NRG3: variants seen among roughly 807,000 people sequenced by gnomAD.
NRG3 encodes pro-neuregulin-3, membrane-bound isoform.
A neutral mutation model predicts 66.9 loss-of-function variants in NRG3; 31 were observed. That is an observed-to-expected ratio of 0.46 (90% confidence interval 0.35 to 0.63). The LOEUF is 0.63. NRG3 is among the 20% of genes least tolerant of loss of function. The pLI, the probability that NRG3 is intolerant of heterozygous loss-of-function variation, is 0.00. For missense variants in NRG3, 910 were observed against 878.9 expected, an observed-to-expected ratio of 1.04 and a Z score of -0.45; for synonymous variants, 393 against 359.4, an observed-to-expected ratio of 1.09 and a Z score of -1.06.
At chr10:82,541,936 G>T (rs1204046531) in intron 2 of NRG3, among the ~76,000 whole-genome samples, 2 of 152,078 alleles carry the variant, frequency 1.3e-5, no homozygotes, top group Non-Finnish European at 2.9e-5. Flanking sequence ...TTTAAGTTCT[G>T]GGATGCATGT....
At chr10:82,107,966 T>C (rs1489629156) in intron 1 of NRG3, among the ~76,000 whole-genome samples, 1 of 152,192 alleles carries the variant, frequency 6.6e-6, no homozygotes, top group African/African-American at 2.4e-5. Context: ...ATGGCCAGCT[T>C]ATCCATTGCC....
chr10:82,000,580 A>G (rs1362801007), intron 1 of NRG3, among the ~76,000 whole-genome samples: 2 of 152,152 alleles, frequency 1.3e-5, no homozygotes, highest in Non-Finnish European at 2.9e-5. Flanking sequence ...CTATAATTTG[A>G]ACATGTATCA....
chr10:81,878,244 A>G (rs1164583234), intron 1 of NRG3: 1 of 622,870 alleles, frequency 1.6e-6, no homozygotes, highest in Admixed American at 3.3e-5. Flanking sequence ...TCACATAGAC[A>G]TATAAGCAGT....
intron 2 of NRG3, among the ~76,000 whole-genome samples, chr10:82,721,231 A>T (rs1163163415): frequency 7.8e-6 from 1 of 127,980 alleles, no homozygotes; most frequent in Non-Finnish European, 1.6e-5. Flanking sequence ...TCCCAGGTTC[A>T]CGCCATTCGT....
chr10:82,330,679 C>T (rs1008150950), intron 1 of NRG3, among the ~76,000 whole-genome samples: 24 of 152,296 alleles, frequency 1.6e-4, no homozygotes, highest in African/African-American at 5.8e-4. Flanking sequence ...ATAGCGTTTT[C>T]CATACTGTTT....
chr10:82,410,909 A>C (rs2088026803), intron 2 of NRG3, among the ~76,000 whole-genome samples: 1 of 152,126 alleles, frequency 6.6e-6, no homozygotes, highest in Non-Finnish European at 1.5e-5. Context: ...AAAATTCACT[A>C]CATTTTAAAG....
At chr10:82,871,292 T>C (rs1841317431) in intron 4 of NRG3, among the ~76,000 whole-genome samples, 1 of 152,128 alleles carries the variant, frequency 6.6e-6, no homozygotes, top group Non-Finnish European at 1.5e-5. Flanking sequence ...GTCTTTTTTT[T>C]TTTTGCCAAT....
intron 1 of NRG3, among the ~76,000 whole-genome samples, chr10:82,166,517 C>T (rs1045206652): frequency 9.2e-5 from 14 of 151,808 alleles, no homozygotes; most frequent in African/African-American, 2.9e-4. Context: ...CTCTCCTGGT[C>T]TTTGTGGTAT....
chr10:82,411,981 T>C (rs2088127399), intron 2 of NRG3, among the ~76,000 whole-genome samples: 1 of 152,052 alleles, frequency 6.6e-6, no homozygotes, highest in African/African-American at 2.4e-5. Flanking sequence ...AAAAGTTGAT[T>C]CTATTAATCC....
intron 3 of NRG3, among the ~76,000 whole-genome samples, chr10:82,774,306 A>G (rs1336099140): frequency 1.3e-5 from 2 of 152,156 alleles, no homozygotes; most frequent in Admixed American, 6.5e-5. Flanking sequence ...TGTTTTTGGA[A>G]CATCCCATTA....
intron 1 of NRG3, among the ~76,000 whole-genome samples, chr10:82,003,579 G>A (rs2061257534): frequency 6.6e-6 from 1 of 152,146 alleles, no homozygotes. Context: ...TGCATTTTAA[G>A]AATGACAGAG....
Position 82,281,188 on chromosome 10 carries a change from T to C in NRG3, c.824-77551T>C, listed in dbSNP as rs149630738. 6.3e-3 allele frequency among the ~76,000 whole-genome samples: 957 copies of C among 152,260 alleles called. 7 individuals are homozygous for C. Among genetic ancestry groups the C allele is most frequent in the African/African-American group, 0.022 (922 of 41,560 alleles). On this transcript the variant is annotated intron_variant, in intron 1 of 8. Transcript: ENST00000372141. ...TATGGCTTATTTTCTTTTAAATACT[T>C]GCATTGCCGTAGTGTAGGTTCCTGA...
intron 1 of NRG3, among the ~76,000 whole-genome samples, chr10:82,341,291 A>G (rs886701420): frequency 6.6e-6 from 1 of 152,130 alleles, no homozygotes; most frequent in African/African-American, 2.4e-5. Flanking sequence ...TGTAGCTTAA[A>G]AGAGTCCAAA....
intron 4 of NRG3, among the ~76,000 whole-genome samples, chr10:82,945,863 T>C (rs1034800912): frequency 3.3e-5 from 5 of 152,026 alleles, no homozygotes; most frequent in African/African-American, 1.2e-4. Flanking sequence ...AGAGTTTGGA[T>C]GTGGGTGGGG....
chr10:82,368,858 C>T (rs1461380842), intron 2 of NRG3, among the ~76,000 whole-genome samples: 5 of 138,424 alleles, frequency 3.6e-5, no homozygotes, highest in South Asian at 2.2e-4. Flanking sequence ...CAGGCCCCGC[C>T]GTGCAAGCTT....
At chr10:82,460,428 G>A (rs1375408177) in intron 2 of NRG3, among the ~76,000 whole-genome samples, 1 of 152,148 alleles carries the variant, frequency 6.6e-6, no homozygotes. Flanking sequence ...CACATAGTAA[G>A]TAGTGAATAT....
chr10:82,488,092 A>C (rs1034661443), intron 2 of NRG3, among the ~76,000 whole-genome samples: 1 of 152,158 alleles, frequency 6.6e-6, no homozygotes, highest in Admixed American at 6.5e-5. Context: ...AGAATGGGAG[A>C]TATAATTATG....
At chr10:82,379,171 G>A (rs914708993) in intron 2 of NRG3, among the ~76,000 whole-genome samples, 10 of 152,252 alleles carry the variant, frequency 6.6e-5, no homozygotes, top group African/African-American at 1.9e-4. Context: ...GTAGTGTTGA[G>A]AGGGGTTAAC....
chr10:82,357,996 A>G (rs1385186301), intron 1 of NRG3, among the ~76,000 whole-genome samples: 1 of 152,196 alleles, frequency 6.6e-6, no homozygotes, highest in Non-Finnish European at 1.5e-5. Flanking sequence ...ACATGTGGTA[A>G]TAGAGTCTGT....
Sources: gnomAD v4.1 joint callset for allele counts (sites outside exome capture counted in the v4.1 genomes callset) on GRCh38, gnomAD v4.1.1 for gene constraint, MANE v1.5 for transcripts, NCBI Gene and HGNC (gene_info 2026-07-23, HGNC 2026-07-21) for gene names.